NEIL3: variants seen among roughly 807,000 people sequenced by gnomAD.
The protein encoded by NEIL3 is nei like DNA glycosylase 3.
A neutral mutation model predicts 57.5 loss-of-function variants in NEIL3; 48 were observed. That is an observed-to-expected ratio of 0.83 (90% CI 0.66 to 1.06). The LOEUF is 1.06. Among genes scored for constraint, NEIL3 ranks in the 50% least tolerant of loss-of-function variants. NEIL3 has a pLI of 0.00. For missense variants in NEIL3, 717 were observed against 739.1 expected (o/e 0.97, Z 0.35); for synonymous variants, 261 against 253.2 (o/e 1.03, Z -0.29).
rs1735022517 is a variant in NEIL3, at chr4:177,338,538, G to A, written c.628-1245G>A. Among the ~76,000 whole-genome samples, 6 of 151,534 alleles carry A rather than the reference G, an allele frequency of 4.0e-5. No homozygotes were observed. In the South Asian group the frequency reaches 1.0e-3, roughly 26 times the overall value. On this transcript the variant is annotated intron_variant, in intron 4 of 9. Transcript: ENST00000264596. ...CAGTTCAAACCTGTGTCGTTGAAGG[G>A]TCAGCTGTACATATAGATATTCACA... is the stretch of plus-strand genomic sequence containing the variant.
At chr4:177,342,728 C>T (rs1228661407) in intron 6 of NEIL3, among the ~76,000 whole-genome samples, 1 of 152,052 alleles carries the variant, frequency 6.6e-6, no homozygotes, top group Non-Finnish European at 1.5e-5. Flanking sequence ...ATAAAGCAAA[C>T]AGTATTTAAT....
At chr4:177,356,360 T>A (rs1405674303) in intron 8 of NEIL3, among the ~76,000 whole-genome samples, 1 of 152,166 alleles carries the variant, frequency 6.6e-6, no homozygotes, top group Admixed American at 6.5e-5. Context: ...CTGCAGCCTG[T>A]GTATGTATTG....
At chr4:177,319,855 A>G (rs1734644067) in intron 1 of NEIL3, among the ~76,000 whole-genome samples, 1 of 152,108 alleles carries the variant, frequency 6.6e-6, no homozygotes, top group African/African-American at 2.4e-5. Context: ...AAAGCTAGAA[A>G]ATTTCACAGG....
At chr4:177,351,621 C>G in intron 7 of NEIL3, 72 bp downstream of exon 7, 1 of 1,177,452 alleles carries the variant, frequency 8.5e-7, no homozygotes, top group Non-Finnish European at 1.2e-6. Context: ...AGGAATATAT[C>G]TTGCTCCATC....
intron 6 of NEIL3, chr4:177,343,712 T>C (rs1021114158): frequency 6.6e-6 from 1 of 152,016 alleles, no homozygotes; most frequent in Non-Finnish European, 1.5e-5. Flanking sequence ...GTTACTATCA[T>C]AGACATCTGA....
At chr4:177,335,112 A>G (rs1553987654) in intron 2 of NEIL3, among the ~76,000 whole-genome samples, 1 of 152,164 alleles carries the variant, frequency 6.6e-6, no homozygotes, top group Non-Finnish European at 1.5e-5. Flanking sequence ...GATACGTAAG[A>G]TTTTGCAAAA....
At position 177,353,629 on chromosome 4, in the gene NEIL3, G is replaced by C. The variant is rs1319424836; in HGVS notation, c.1361G>C (p.Ser454Thr). The change falls in exon 8 of 10, where the codon AGT (serine) becomes ACT (threonine). Residue 454 changes from serine (S) to threonine (T), a missense_variant. Coordinates refer to ENST00000264596, the MANE Select transcript of NEIL3 (RefSeq NM_018248.3). ...AAAGTAAACATATCACCTACAATCA[G>C]TTCAGAATCTAAATTATTTAGTCCA... ...SSKVNISPTI[S>T]SESKLFSPAH... The C allele has an allele frequency of 6.2e-7, 1 of 1,613,554 alleles. No homozygotes were observed. Among genetic ancestry groups the C allele is most frequent in the Non-Finnish European group, 8.5e-7 (1 of 1,179,626 alleles).
intron 2 of NEIL3, among the ~76,000 whole-genome samples, chr4:177,329,933 A>C (rs913892255): frequency 2.0e-5 from 3 of 151,996 alleles, no homozygotes; most frequent in Non-Finnish European, 4.4e-5. Flanking sequence ...TCTTTTTCAA[A>C]TGGAGTCTTG....
chr4:177,322,614 C>G (rs1734708739), intron 2 of NEIL3, 34 bp downstream of exon 2: 1 of 1,612,484 alleles, frequency 6.2e-7, no homozygotes, highest in Non-Finnish European at 8.5e-7. Flanking sequence ...TCTTATCTCT[C>G]TATATTTAAA....
At chr4:177,319,185 T>C (rs1734629226) in intron 1 of NEIL3, among the ~76,000 whole-genome samples, 1 of 152,214 alleles carries the variant, frequency 6.6e-6, no homozygotes, top group Non-Finnish European at 1.5e-5. Context: ...GTGACAGCAC[T>C]GTCTATTTCA....
intron 6 of NEIL3, among the ~76,000 whole-genome samples, chr4:177,345,584 T>C (rs1454040864): frequency 6.6e-6 from 1 of 151,840 alleles, no homozygotes; most frequent in African/African-American, 2.4e-5. Flanking sequence ...GCGTTTCCCA[T>C]GTTGGCCAGG....
At position 177,339,835 on chromosome 4, in the gene NEIL3, A is replaced by C; in HGVS notation, c.680A>C (p.Asp227Ala). The part of the protein sequence containing the change: ...QIHHLMKMIR[D>A]FSILFYRCRK... ...CATCACCTCATGAAAATGATACGTG[A>C]TTTCAGCATTCTCTTTTACAGGGTA... The change falls in exon 5 of 10, where the codon GAT becomes GCT. Residue 227 changes from aspartate to alanine, a missense_variant. By Grantham distance (126) the Asp-to-Ala change is moderately radical. Transcript: ENST00000264596. 1 of 1,613,494 alleles carries C rather than the reference A, an allele frequency of 6.2e-7. No homozygotes were observed. The highest frequency in any genetic ancestry group is 2.2e-5 in the East Asian group (1 of 44,858).
chr4:177,322,555 A>G lies in NEIL3; in HGVS notation c.253A>G (p.Met85Val). Residue 85 changes from methionine (M) to valine (V), a missense_variant, in exon 2 of 10, where the codon ATG (methionine) becomes GTG (valine). By Grantham distance (21) the Met-to-Val change is conservative. Coordinates refer to ENST00000264596, the MANE Select transcript of NEIL3 (RefSeq NM_018248.3). ...GVETLGKELF[M>V]YFGPKALRIH... is the part of the protein sequence containing the mutation. Reference sequence around the variant, plus strand: ...GGAAACTTTGGGGAAGGAGCTCTTTATGTACTTTGGACCAAAAGCTTTACG... The same window carrying G: ...GGAAACTTTGGGGAAGGAGCTCTTTGTGTACTTTGGACCAAAAGCTTTACG... 1 of 1,613,898 alleles carries G rather than the reference A, an allele frequency of 6.2e-7. No individual in the cohort carries two copies. The highest frequency in any genetic ancestry group is 8.5e-7 in the Non-Finnish European group (1 of 1,179,822).
chr4:177,341,845 T>G (rs529598675), intron 6 of NEIL3, among the ~76,000 whole-genome samples: 2 of 152,290 alleles, frequency 1.3e-5, no homozygotes, highest in East Asian at 3.9e-4. Context: ...CAGTTCTGAA[T>G]TTAGGTGGAA....
At chr4:177,347,615 G>A (rs1735250307) in intron 6 of NEIL3, among the ~76,000 whole-genome samples, 1 of 152,044 alleles carries the variant, frequency 6.6e-6, no homozygotes, top group Non-Finnish European at 1.5e-5. Flanking sequence ...GGCAGCATCG[G>A]GGGCTCTCAA....
chr4:177,357,778 C>A (rs552032307), intron 8 of NEIL3, among the ~76,000 whole-genome samples: 1 of 152,090 alleles, frequency 6.6e-6, no homozygotes, highest in Non-Finnish European at 1.5e-5. Context: ...AAACTTAGAC[C>A]GTAAGACCAG....
intron 4 of NEIL3, among the ~76,000 whole-genome samples, chr4:177,339,464 A>G (rs924733028): frequency 2.2e-4 from 33 of 152,282 alleles, no homozygotes; most frequent in African/African-American, 7.5e-4. Flanking sequence ...CTCTAAAAAA[A>G]CAGAAGAATA....
Position 177,348,858 on chromosome 4 carries a change from A to ATTTTTTTTTTTTTTTTT in NEIL3, c.870-2511_870-2495dup, listed in dbSNP as rs749391559. 2.0e-3 allele frequency among the ~76,000 whole-genome samples: 151 copies of ATTTTTTTTTTTTTTTTT among 73,732 alleles called. 27 individuals carry two copies. Among genetic ancestry groups the ATTTTTTTTTTTTTTTTT allele is most frequent in the African/African-American group, 8.3e-3 (137 of 16,562 alleles). 48.4% of individuals were successfully genotyped at this position (73,732 alleles called of 152,430 possible). ...AGAATTGCAGATTGGTGGCTCATGA[A>ATTTTTTTTTTTTTTTTT]TTTTTTTTTTTTTTTTTTTTTTTTT... On this transcript the variant is annotated intron_variant, in intron 6 of 9. Transcript: ENST00000264596.
rs1312916698 is a variant in NEIL3, at chr4:177,362,274, C to T, written c.1636-15C>T. 1.9e-6 allele frequency: 3 copies of T among 1,584,432 alleles called. No individual in the cohort carries two copies. Among genetic ancestry groups the T allele is most frequent in the African/African-American group, 2.7e-5 (2 of 73,400 alleles). ...CTTTTGTATAAACTTGTAAATTTAC[C>T]TTTTTTTCCTGCAGTGGGCAGATTT... On this transcript the variant is annotated splice_polypyrimidine_tract_variant and intron_variant, in intron 9 of 9. Coordinates refer to ENST00000264596, the MANE Select transcript of NEIL3 (RefSeq NM_018248.3).
Sources: gnomAD v4.1 joint callset for allele counts (sites outside exome capture counted in the v4.1 genomes callset) on GRCh38, gnomAD v4.1.1 for gene constraint, MANE v1.5 for transcripts, NCBI Gene and HGNC (gene_info 2026-07-23, HGNC 2026-07-21) for gene names.